CRACD: variants seen among roughly 807,000 people sequenced by gnomAD.
CRACD encodes capping protein-inhibiting regulator of actin dynamics.
CRACD carries 56 observed loss-of-function variants against 106.8 expected under a neutral mutation model. The observed-to-expected ratio is 0.52, with a 90% confidence interval of 0.42 to 0.66. The LOEUF (loss-of-function observed/expected upper bound fraction) is 0.66, where lower values mean the gene tolerates loss of function less well. Among genes scored for constraint, CRACD ranks in the 30% least tolerant of loss-of-function variants. The pLI is 0.00. For synonymous variants in CRACD, 754 were observed against 670.8 expected, an observed-to-expected ratio of 1.12 and a Z score of -1.92; for missense variants, 1,730 against 1,623.2, an observed-to-expected ratio of 1.07 and a Z score of -1.13.
chr4:56,175,694 C>T (rs1348690281), intron 1 of CRACD, among the ~76,000 whole-genome samples: 2 of 152,122 alleles, frequency 1.3e-5, no homozygotes, highest in Non-Finnish European at 2.9e-5. Context: ...ATTAATCCCT[C>T]GTCAGATGGA....
chr4:56,214,681 C>CTCTCTATATATATATATA, intron 2 of CRACD, among the ~76,000 whole-genome samples: 6 of 80,968 alleles, frequency 7.4e-5, no homozygotes, highest in East Asian at 3.7e-4. Flanking sequence ...CTCTCTCTCT[C>CTCTCTATATATATATATA]TATATATATA....
chr4:56,151,395 G>A (rs1735573828), intron 1 of CRACD, among the ~76,000 whole-genome samples: 1 of 151,776 alleles, frequency 6.6e-6, no homozygotes, highest in Admixed American at 6.6e-5. Flanking sequence ...ATAACGCATT[G>A]CCTTTTTTTT....
chr4:56,299,419 C>T (rs1464863849), intron 4 of CRACD, among the ~76,000 whole-genome samples: 1 of 152,028 alleles, frequency 6.6e-6, no homozygotes, highest in East Asian at 1.9e-4. Flanking sequence ...CCTATAATTC[C>T]AGCACTTTGG....
At chr4:56,190,317 T>G (rs931927043) in intron 2 of CRACD, among the ~76,000 whole-genome samples, 1 of 152,098 alleles carries the variant, frequency 6.6e-6, no homozygotes, top group Non-Finnish European at 1.5e-5. Context: ...TGATTTATAG[T>G]CCTTTGGGTA....
chr4:56,266,657 T>G (rs973172660), intron 2 of CRACD, among the ~76,000 whole-genome samples: 1 of 152,236 alleles, frequency 6.6e-6, no homozygotes, highest in Non-Finnish European at 1.5e-5. Context: ...GCCCCATCTG[T>G]GTACCACAAA....
At chr4:56,057,302 A>C (rs1442374420) in intron 1 of CRACD, among the ~76,000 whole-genome samples, 1 of 152,220 alleles carries the variant, frequency 6.6e-6, no homozygotes, top group Non-Finnish European at 1.5e-5. Context: ...TCTGAACCAC[A>C]AGAGGACCAT....
chr4:56,198,267 G>A (rs901594343), intron 2 of CRACD, among the ~76,000 whole-genome samples: 14 of 152,188 alleles, frequency 9.2e-5, no homozygotes, highest in African/African-American at 2.9e-4. Flanking sequence ...ATAAGAAAAT[G>A]TGCAGCCCAT....
At chr4:56,152,358 G>A (rs1577696330) in intron 1 of CRACD, among the ~76,000 whole-genome samples, 1 of 151,786 alleles carries the variant, frequency 6.6e-6, no homozygotes. Context: ...TTTTGGCCAT[G>A]TGTGGTGGCT....
chr4:56,072,698 T>C (rs1429563183), intron 1 of CRACD, among the ~76,000 whole-genome samples: 1 of 152,172 alleles, frequency 6.6e-6, no homozygotes, highest in African/African-American at 2.4e-5. Context: ...AGTGGTTTGC[T>C]GCACCCATCA....
chr4:56,202,731 T>C (rs546630186), intron 2 of CRACD, among the ~76,000 whole-genome samples: 1 of 152,354 alleles, frequency 6.6e-6, no homozygotes, highest in South Asian at 2.1e-4. Flanking sequence ...AAATAGTTTT[T>C]ACTCAGATTA....
At chr4:56,216,966 G>T (rs1425466916) in intron 2 of CRACD, among the ~76,000 whole-genome samples, 2 of 125,184 alleles carry the variant, frequency 1.6e-5, no homozygotes, top group Non-Finnish European at 3.1e-5. Flanking sequence ...CGGCCTGGGC[G>T]ACAGAGCGAG....
At chr4:56,254,398 G>GT (rs34456577) in intron 2 of CRACD, among the ~76,000 whole-genome samples, 10 of 81,126 alleles carry the variant, frequency 1.2e-4, no homozygotes, top group Non-Finnish European at 2.4e-4. Context: ...TTTTGTGGGG[G>GT]TTTTTTTTTT....
chr4:56,142,665 A>G (rs1421342071), intron 1 of CRACD, among the ~76,000 whole-genome samples: 1 of 152,154 alleles, frequency 6.6e-6, no homozygotes, highest in Non-Finnish European at 1.5e-5. Context: ...TTAGTATTCT[A>G]ATGAGTTTAA....
intron 1 of CRACD, among the ~76,000 whole-genome samples, chr4:56,087,148 G>A (rs562489073): frequency 2.2e-4 from 33 of 152,182 alleles, no homozygotes; most frequent in Middle Eastern, 3.4e-3. Context: ...GAGTAGCTGG[G>A]ATTACAGGCA....
At chr4:56,196,869 G>A (rs558772033) in intron 2 of CRACD, among the ~76,000 whole-genome samples, 188 of 152,100 alleles carry the variant, frequency 1.2e-3, no homozygotes, top group Non-Finnish European at 2.4e-3. Context: ...GAGGGCCATC[G>A]AGAGGGACAG....
intron 2 of CRACD, among the ~76,000 whole-genome samples, chr4:56,263,666 A>G (rs568637437): frequency 6.6e-6 from 1 of 152,320 alleles, no homozygotes; most frequent in South Asian, 2.1e-4. Flanking sequence ...AAATATTCGC[A>G]TTCAGAGGTA....
At chr4:56,229,536 C>A (rs1387108560) in intron 2 of CRACD, among the ~76,000 whole-genome samples, 1 of 152,104 alleles carries the variant, frequency 6.6e-6, no homozygotes, top group Non-Finnish European at 1.5e-5. Context: ...GTTTTAGCAG[C>A]CTGAATGGAC....
rs527739601 is a variant in CRACD, at chr4:56,206,974, C to T, written c.-189+27544C>T. 3.9e-5 allele frequency among the ~76,000 whole-genome samples: 6 copies of T among 152,306 alleles called. No individual in the cohort carries two copies. In the South Asian group the frequency reaches 1.2e-3, roughly 32 times the overall value. On this transcript the variant is annotated intron_variant, in intron 2 of 10. Coordinates refer to ENST00000682029, the MANE Select transcript of CRACD (RefSeq NM_001393381.1). ...TTAAAACTTGTAAGAGAATACAGTG[C>T]ACCAGGGGGACTACTATTATGACTG...
chr4:56,178,699 A>G (rs922646284), intron 1 of CRACD, among the ~76,000 whole-genome samples: 3 of 152,116 alleles, frequency 2.0e-5, no homozygotes, highest in African/African-American at 7.2e-5. Context: ...TGTTTCACAG[A>G]GCTTTGCAAA....
Sources: allele counts gnomAD v4.1 joint callset (sites outside exome capture counted in the v4.1 genomes callset), GRCh38; gene constraint gnomAD v4.1.1; transcripts MANE v1.5; gene names NCBI Gene and HGNC (gene_info 2026-07-23, HGNC 2026-07-21).